PTPRD: variants seen among roughly 807,000 people sequenced by gnomAD.
The protein encoded by PTPRD is receptor-type tyrosine-protein phosphatase delta.
PTPRD carries 34 observed loss-of-function variants against 214.5 expected under a neutral mutation model. That is an observed-to-expected ratio of 0.16 (90% CI 0.12 to 0.21). PTPRD has a LOEUF of 0.21. Ranked by LOEUF, PTPRD falls within the 10% of genes least tolerant of loss-of-function variation. The probability of loss-of-function intolerance (pLI) is 1.00; values close to 1 mark genes in which losing one functional copy is unlikely to be tolerated. For synonymous variants in PTPRD, 1,128 were observed against 845.7 expected (o/e 1.33, Z -5.79); for missense variants, 2,545 against 2,398.7 (o/e 1.06, Z -1.27).
intron 8 of PTPRD, among the ~76,000 whole-genome samples, chr9:9,508,549 A>C (rs371083044): frequency 1.3e-5 from 2 of 151,368 alleles, no homozygotes; most frequent in Non-Finnish European, 3.0e-5. Flanking sequence ...TAAACTTAAT[A>C]ATGACATTTC....
intron 4 of PTPRD, among the ~76,000 whole-genome samples, chr9:9,957,139 A>G (rs554772691): frequency 6.6e-6 from 1 of 152,326 alleles, no homozygotes; most frequent in Non-Finnish European, 1.5e-5. Flanking sequence ...TGACTCCACA[A>G]AAAATAAATC....
At chr9:9,938,284 C>G (rs978993093) in intron 5 of PTPRD, among the ~76,000 whole-genome samples, 1 of 152,140 alleles carries the variant, frequency 6.6e-6, no homozygotes, top group South Asian at 2.1e-4. Flanking sequence ...TTCATAGTTA[C>G]CTGTTCTACA....
intron 8 of PTPRD, among the ~76,000 whole-genome samples, chr9:9,522,338 A>G (rs969776621): frequency 6.6e-6 from 1 of 152,120 alleles, no homozygotes; most frequent in Non-Finnish European, 1.5e-5. Flanking sequence ...CCCATAGTAG[A>G]TGGAAGGGCA....
chr9:8,876,923 T>C (rs2098397571), intron 11 of PTPRD, among the ~76,000 whole-genome samples: 2 of 151,568 alleles, frequency 1.3e-5, no homozygotes, highest in Admixed American at 1.3e-4. Flanking sequence ...GTTTTTCTTT[T>C]TTCTTTTTCT....
intron 8 of PTPRD, among the ~76,000 whole-genome samples, chr9:9,422,343 A>C (rs941076554): frequency 1.3e-5 from 2 of 152,124 alleles, no homozygotes; most frequent in East Asian, 1.9e-4. Flanking sequence ...TGTGAAGTGA[A>C]AATCAAAATA....
chr9:10,087,937 G>A (rs72694835), intron 3 of PTPRD, among the ~76,000 whole-genome samples: 5,478 of 151,760 alleles, frequency 0.036, 172 homozygotes, highest in Admixed American at 0.091. Flanking sequence ...ACAGGGTCTA[G>A]TTTTTGGCAA....
intron 3 of PTPRD, among the ~76,000 whole-genome samples, chr9:10,231,146 G>A (rs1210158036): frequency 2.0e-5 from 3 of 151,930 alleles, no homozygotes; most frequent in Non-Finnish European, 4.4e-5. Context: ...TTATAAACCA[G>A]AAGTAACAGT....
At chr9:9,248,206 C>A (rs996195081) in intron 9 of PTPRD, among the ~76,000 whole-genome samples, 5 of 151,950 alleles carry the variant, frequency 3.3e-5, no homozygotes, top group Non-Finnish European at 7.4e-5. Flanking sequence ...GATTCTCCTG[C>A]CTAAGCCTCC....
chr9:10,493,129 C>G (rs995450648), intron 2 of PTPRD, among the ~76,000 whole-genome samples: 1 of 152,044 alleles, frequency 6.6e-6, no homozygotes, highest in Non-Finnish European at 1.5e-5. Flanking sequence ...TCATCTCATG[C>G]TTATGGATAG....
At chr9:9,180,998 C>G (rs908511053) in intron 10 of PTPRD, among the ~76,000 whole-genome samples, 2 of 152,064 alleles carry the variant, frequency 1.3e-5, no homozygotes, top group Non-Finnish European at 2.9e-5. Context: ...TTGGACTTGG[C>G]TCAGAGTTCC....
At chr9:9,657,062 A>C (rs2096533003) in intron 7 of PTPRD, among the ~76,000 whole-genome samples, 1 of 152,136 alleles carries the variant, frequency 6.6e-6, no homozygotes, top group Non-Finnish European at 1.5e-5. Flanking sequence ...AATAGTTAAT[A>C]ATGTTAAATC....
intron 7 of PTPRD, among the ~76,000 whole-genome samples, chr9:9,590,896 G>A (rs1202463656): frequency 6.6e-6 from 1 of 151,922 alleles, no homozygotes; most frequent in Non-Finnish European, 1.5e-5. Context: ...ATTTGCTTTG[G>A]GTATTATCGT....
chr9:9,095,124 A>ATG (rs929807562), intron 10 of PTPRD, among the ~76,000 whole-genome samples: 1 of 152,170 alleles, frequency 6.6e-6, no homozygotes, highest in Non-Finnish European at 1.5e-5. Flanking sequence ...AATTATATAT[A>ATG]TTAAAAAAAC....
chr9:9,519,656 A>C (rs1477245681), intron 8 of PTPRD, among the ~76,000 whole-genome samples: 1 of 152,072 alleles, frequency 6.6e-6, no homozygotes, highest in Admixed American at 6.6e-5. Flanking sequence ...AAGGTATGCA[A>C]AATAACTACA....
chr9:8,353,193 GTTCC>G (rs1261433159), intron 39 of PTPRD, among the ~76,000 whole-genome samples: 3 of 152,102 alleles, frequency 2.0e-5, no homozygotes, highest in Non-Finnish European at 4.4e-5. Flanking sequence ...TAAATCTGTG[GTTCC>G]TTGTTTCATT....
At chr9:8,616,192 C>T (rs957865202) in intron 14 of PTPRD, among the ~76,000 whole-genome samples, 27 of 152,216 alleles carry the variant, frequency 1.8e-4, no homozygotes, top group African/African-American at 6.0e-4. Flanking sequence ...TTTTTAGGTA[C>T]TGGACCATCA....
At chr9:8,534,816 C>T in intron 14 of PTPRD, among the ~76,000 whole-genome samples, 1 of 151,736 alleles carries the variant, frequency 6.6e-6, no homozygotes, top group Non-Finnish European at 1.5e-5. Context: ...TTAAGGTGGT[C>T]AAATAAGGTG....
intron 14 of PTPRD, among the ~76,000 whole-genome samples, chr9:8,590,506 C>T (rs1249209824): frequency 3.9e-5 from 6 of 152,074 alleles, no homozygotes. Context: ...ATCAAGTTTC[C>T]TGTCCTTCTC....
chr9:9,640,323 T>A (rs1233661149), intron 7 of PTPRD, among the ~76,000 whole-genome samples: 2 of 152,208 alleles, frequency 1.3e-5, no homozygotes, highest in Non-Finnish European at 2.9e-5. Context: ...TGAGCCAATG[T>A]AAGATCCTAA....
Sources: gnomAD v4.1 joint callset for allele counts (sites outside exome capture counted in the v4.1 genomes callset) on GRCh38, gnomAD v4.1.1 for gene constraint, MANE v1.5 for transcripts, NCBI Gene and HGNC (gene_info 2026-07-23, HGNC 2026-07-21) for gene names.